TAMM41: variants seen among roughly 807,000 people sequenced by gnomAD.
The protein encoded by TAMM41 is phosphatidate cytidylyltransferase, mitochondrial.
Under a neutral mutation model 44.1 loss-of-function variants are expected in TAMM41, and 36 were observed. The observed-to-expected ratio is 0.82, with a 90% confidence interval of 0.63 to 1.08. The LOEUF is 1.08. TAMM41 is among the 50% of genes least tolerant of loss of function. TAMM41 has a pLI of 0.00. For synonymous variants in TAMM41, 164 were observed against 153.1 expected (o/e 1.07, Z -0.53); for missense variants, 417 against 404.3 (o/e 1.03, Z -0.27).
intron 7 of TAMM41, 55 bp downstream of exon 7, chr3:11,807,778 T>C: frequency 6.5e-7 from 1 of 1,535,922 alleles, no homozygotes; most frequent in Admixed American, 2.0e-5. Context: ...TAACCAAGAG[T>C]GTGGAAGCCA....
At chr3:11,749,959 A>G in the TAMM41 span, among the ~76,000 whole-genome samples, 1 of 145,518 alleles carries the variant, frequency 6.9e-6, no homozygotes, top group Non-Finnish European at 1.5e-5. Flanking sequence ...GTGCAGTGGC[A>G]CGATCTGGGC....
chr3:11,824,681 T>G lies in TAMM41; in HGVS notation c.562+5033A>C, dbSNP rs573351838. Among the ~76,000 whole-genome samples the G allele has an allele frequency of 1.2e-4, 19 of 152,252 alleles. No individual in the cohort carries two copies. The South Asian group carries it at 3.9e-3, about 32-fold the overall frequency. ...ATATTGGTTCAGGAAGGAAGCAGTA[T>G]AATCCACTCATCAAATATTTACTGA... On this transcript the variant is annotated intron_variant, in intron 4 of 7. Coordinates refer to ENST00000455809, the MANE Select transcript of TAMM41 (RefSeq NM_001284401.2).
chr3:11,808,303 G>A (rs17035295), intron 6 of TAMM41: 20,521 of 1,025,340 alleles, frequency 0.02, 537 homozygotes, highest in Admixed American at 0.16. Context: ...ACACACATAC[G>A]GATTCCACAG....
chr3:11,727,491 G>A, the TAMM41 span, among the ~76,000 whole-genome samples: 1 of 151,958 alleles, frequency 6.6e-6, no homozygotes, highest in African/African-American at 2.4e-5. Flanking sequence ...TTCAGACAGG[G>A]TCTTGCTCTG....
intron 1 of TAMM41, chr3:11,844,973 G>A (rs552187890): frequency 3.1e-5 from 14 of 456,736 alleles, no homozygotes; most frequent in Non-Finnish European, 5.7e-5. Flanking sequence ...TGAAGGACAC[G>A]TGAGTTAAAC....
At chr3:11,724,354 C>T in the TAMM41 span, among the ~76,000 whole-genome samples, 2 of 152,056 alleles carry the variant, frequency 1.3e-5, no homozygotes, top group Non-Finnish European at 1.5e-5. Flanking sequence ...CAACCTGCCT[C>T]GGGCTCCCAA....
intron 2 of TAMM41, 115 bp downstream of exon 2, chr3:11,843,914 C>T (rs1026725136): frequency 3.0e-5 from 32 of 1,056,334 alleles, no homozygotes; most frequent in Middle Eastern, 2.1e-4. Flanking sequence ...ACTATAACAA[C>T]GTCCAGCAGG....
the TAMM41 span, among the ~76,000 whole-genome samples, chr3:11,754,731 T>A: frequency 3.3e-5 from 4 of 121,692 alleles, no homozygotes; most frequent in East Asian, 2.3e-4. Flanking sequence ...TTTTTTTTTT[T>A]GAGACAGAGT....
chr3:11,753,979 C>T, the TAMM41 span, among the ~76,000 whole-genome samples: 11 of 152,116 alleles, frequency 7.2e-5, no homozygotes, highest in Non-Finnish European at 1.0e-4. Context: ...GGGGCGGCCT[C>T]GTGTTCTCCT....
the TAMM41 span, among the ~76,000 whole-genome samples, chr3:11,761,930 G>C: frequency 8.2e-6 from 1 of 122,264 alleles, no homozygotes; most frequent in African/African-American, 3.3e-5. Context: ...CTGGGCAACA[G>C]AGCAAGACTC....
chr3:11,767,410 A>G, the TAMM41 span, among the ~76,000 whole-genome samples: 1 of 151,968 alleles, frequency 6.6e-6, no homozygotes, highest in Admixed American at 6.6e-5. Context: ...ATTATGAATG[A>G]TGTTGTGATG....
downstream of TAMM41, among the ~76,000 whole-genome samples, chr3:11,787,726 C>A (rs542964621): frequency 1.7e-4 from 26 of 152,256 alleles, no homozygotes; most frequent in South Asian, 5.2e-3. Context: ...TATAAGAATA[C>A]CTACATCATA....
chr3:11,805,010 T>TGTG (rs1450053039), intron 7 of TAMM41, among the ~76,000 whole-genome samples: 16 of 138,604 alleles, frequency 1.2e-4, no homozygotes, highest in African/African-American at 4.3e-4. Context: ...TTTTTTTTTT[T>TGTG]TTTTTTTTTT....
intron 2 of TAMM41, among the ~76,000 whole-genome samples, chr3:11,840,968 T>C (rs1482970241): frequency 1.3e-5 from 2 of 152,130 alleles, no homozygotes; most frequent in Non-Finnish European, 2.9e-5. Flanking sequence ...GAATTTCTCT[T>C]TTGCTACTGA....
chr3:11,809,446 A>G (rs2078019220), intron 6 of TAMM41, 71 bp downstream of exon 6: 2 of 1,559,404 alleles, frequency 1.3e-6, no homozygotes, highest in East Asian at 2.2e-5. Flanking sequence ...GAAATAATAC[A>G]TTCCAATCAC....
the TAMM41 span, among the ~76,000 whole-genome samples, chr3:11,769,882 A>AC: frequency 1.3e-5 from 2 of 152,192 alleles, no homozygotes; most frequent in South Asian, 2.1e-4. Flanking sequence ...CAGGCAGAAC[A>AC]CCTAGTTATG....
intron 3 of TAMM41, among the ~76,000 whole-genome samples, chr3:11,838,710 T>A (rs1473503186): frequency 6.6e-6 from 1 of 152,020 alleles, no homozygotes; most frequent in Non-Finnish European, 1.5e-5. Context: ...CCCTTTTTTT[T>A]ATGGAGGTTC....
At chr3:11,802,535 T>C (rs2077784454) in intron 7 of TAMM41, among the ~76,000 whole-genome samples, 1 of 152,190 alleles carries the variant, frequency 6.6e-6, no homozygotes, top group Non-Finnish European at 1.5e-5. Flanking sequence ...AGTAATGTAG[T>C]AGCAAGACTG....
At chr3:11,826,240 G>A (rs537178510) in intron 4 of TAMM41, among the ~76,000 whole-genome samples, 31 of 152,128 alleles carry the variant, frequency 2.0e-4, no homozygotes, top group Non-Finnish European at 3.8e-4. Context: ...AATGAGATAA[G>A]ATGCTGGAGG....
Sources: gnomAD v4.1 joint callset for allele counts (sites outside exome capture counted in the v4.1 genomes callset) on GRCh38, gnomAD v4.1.1 for gene constraint, MANE v1.5 for transcripts, NCBI Gene and HGNC (gene_info 2026-07-23, HGNC 2026-07-21) for gene names.